The following CTNS variants were observed in gnomAD, a reference collection of about 807,000 sequenced individuals.
CTNS encodes the protein cystinosin, lysosomal cystine transporter.
CTNS carries 27 observed loss-of-function variants against 43.7 expected under a neutral mutation model. The ratio of observed to expected loss-of-function variants is 0.62; its 90% CI spans 0.46 to 0.85. The LOEUF is 0.85. CTNS is among the 40% of genes least tolerant of loss of function. CTNS has a pLI of 0.00. For missense variants in CTNS, 457 were observed against 475.4 expected (o/e 0.96, Z 0.36); for synonymous variants, 187 against 190.6 (o/e 0.98, Z 0.16).
Position 3,656,512 on chromosome 17 carries a change from G to C in CTNS, c.487G>C (p.Val163Leu), listed in dbSNP as rs200818208. ...KSVIGLSFDF[V>L]ALNLTGFVAY... is the part of the protein sequence containing the mutation. Reference sequence around the variant, plus strand: ...TGTCATTGGTCTGAGCTTCGACTTCGTGGCTCTGAACCTGACGGGCTTCGT... The same window carrying C: ...TGTCATTGGTCTGAGCTTCGACTTCCTGGCTCTGAACCTGACGGGCTTCGT... Residue 163 changes from valine to leucine, a missense_variant, in exon 8 of 12, where the codon GTG becomes CTG. Physicochemically the swap from Val to Leu is conservative, Grantham distance 32 (BLOSUM62 1). Coordinates refer to ENST00000046640, the MANE Select transcript of CTNS (RefSeq NM_004937.3). The C allele has an allele frequency of 6.2e-7, 1 of 1,600,414 alleles. No homozygotes were observed. The highest frequency in any genetic ancestry group is 1.7e-5 in the Admixed American group (1 of 57,802).
chr17:3,655,846 CT>C (rs1224141377), intron 7 of CTNS: 1 of 254,642 alleles, frequency 3.9e-6, no homozygotes, highest in Non-Finnish European at 7.7e-6. Flanking sequence ...CCTGACTCCC[CT>C]CTGGAGCCAG....
intron 9 of CTNS, 105 bp from the exon 10 acceptor site, chr17:3,657,900 A>G: frequency 7.5e-7 from 1 of 1,338,970 alleles, no homozygotes; most frequent in Non-Finnish European, 1.1e-6. Context: ...GCCAGGGTCC[A>G]GCCTCCGTGC....
chr17:3,638,347 C>G (rs1251713016), intron 2 of CTNS, among the ~76,000 whole-genome samples: 1 of 151,934 alleles, frequency 6.6e-6, no homozygotes, highest in Non-Finnish European at 1.5e-5. Flanking sequence ...AAGCGATTCT[C>G]CTGCCTCAGC....
chr17:3,645,533 G>A (rs553240927), intron 3 of CTNS, among the ~76,000 whole-genome samples: 3 of 152,058 alleles, frequency 2.0e-5, no homozygotes, highest in African/African-American at 7.2e-5. Context: ...GAGTATTGAG[G>A]CGGAGAATCA....
rs1358896020 is a variant in CTNS, at chr17:3,637,182, A to G, written c.-154A>G. The G allele has an allele frequency of 1.3e-5, 2 of 152,314 alleles. No individual in the cohort carries two copies. Among genetic ancestry groups the G allele is most frequent in the East Asian group, 3.9e-4 (2 of 5,182 alleles). 9.4% of individuals were successfully genotyped at this position (152,314 alleles called of 1,614,324 possible). ...CGGAGTGCGGGGCTCCGGGGGACTG[A>G]GCAGCACGAGACCCCATCCTCCCCT... On this transcript the variant is annotated 5_prime_UTR_variant, in exon 2 of 12. Transcript: ENST00000046640.
chr17:3,650,482 TA>T (rs1401841014), intron 5 of CTNS: 2 of 823,328 alleles, frequency 2.4e-6, no homozygotes, highest in Non-Finnish European at 3.6e-6. Flanking sequence ...ACTCTGTCTC[TA>T]AAAAATTAAA....
rs201670139 is a variant in CTNS, at chr17:3,655,173, T to C, written c.330-48T>C. On this transcript the variant is annotated intron_variant, in intron 6 of 11. Transcript: ENST00000046640. ...CCGTGCTGGGCACGTGGGAGTCTCC[T>C]TCAGAAGCCCAGCCTCAGCTCATCC... The C allele has an allele frequency of 2.6e-3, 4,254 of 1,614,038 alleles. 16 individuals carry two copies. Among genetic ancestry groups the C allele is most frequent in the Non-Finnish European group, 3.4e-3 (4,056 of 1,179,974 alleles).
Position 3,646,986 on chromosome 17 carries a change from G to GTC in CTNS, c.62-452_62-451dup, listed in dbSNP as rs1191192523. Among the ~76,000 whole-genome samples, 3 of 152,218 alleles carry GTC rather than the reference G, an allele frequency of 2.0e-5. No homozygotes were observed. The East Asian group carries it at 5.8e-4, about 29-fold the overall frequency. On this transcript the variant is annotated intron_variant, in intron 3 of 11. Transcript: ENST00000046640. ...AGAAACTCATTAGCTGGGCCCATGT[G>GTC]TCTCTCTGAGAGTGCAGGAAAGGGG...
chr17:3,637,225 G>A lies in CTNS; in HGVS notation c.-111G>A, dbSNP rs1271762343. 1 of 152,192 alleles carries A rather than the reference G, an allele frequency of 6.6e-6. No homozygotes were observed. The highest frequency in any genetic ancestry group is 2.4e-5 in the African/African-American group (1 of 41,452). The allele number at this position is 152,192 out of a possible 1,614,324, so 9.4% of individuals were successfully genotyped here. A position where few individuals can be genotyped will look rare whatever the true frequency, so the allele number is the denominator to read the frequency against. On this transcript the variant is annotated 5_prime_UTR_variant, in exon 2 of 12. Transcript: ENST00000046640. ...CCTCCCCTCCGGGTTTTCACACTGG[G>A]CGAAGGGAGGACTCCTGAGCTCTGC...
intron 5 of CTNS, chr17:3,650,228 C>T (rs2075948106): frequency 6.4e-7 from 1 of 1,550,550 alleles, no homozygotes; most frequent in African/African-American, 1.4e-5. Flanking sequence ...CCATGAGGCA[C>T]ATCAAGATGG....
chr17:3,650,137 T>C (rs1228948010), intron 5 of CTNS: 1 of 1,548,148 alleles, frequency 6.5e-7, no homozygotes, highest in Admixed American at 2.0e-5. Flanking sequence ...ACTGCAAATA[T>C]ATACACTTTT....
At chr17:3,650,101 G>A in intron 5 of CTNS, 1 of 1,515,036 alleles carries the variant, frequency 6.6e-7, no homozygotes, top group Non-Finnish European at 8.9e-7. Flanking sequence ...CACAATGTAT[G>A]CATACATCAA....
At chr17:3,646,846 CA>C in intron 3 of CTNS, among the ~76,000 whole-genome samples, 1 of 152,176 alleles carries the variant, frequency 6.6e-6, no homozygotes, top group East Asian at 1.9e-4. Context: ...GAAGAAATCT[CA>C]GAGTGAAACA....
In CTNS at chr17:3,649,870, C is replaced by T. The variant is rs567120910; in HGVS notation, c.225+939C>T. On this transcript the variant is annotated intron_variant, in intron 5 of 11. Transcript: ENST00000046640. ...CAAGATGAACGCAAGTCACTCAGGG[C>T]GCATAACTTCTGGAGAGCTATTGTA... 3.3e-5 allele frequency among the ~76,000 whole-genome samples: 5 copies of T among 152,226 alleles called. No individual in the cohort carries two copies. In the South Asian group the frequency reaches 8.3e-4, roughly 25 times the overall value.
intron 4 of CTNS, 92 bp from the exon 5 acceptor site, chr17:3,648,755 T>G: frequency 2.9e-5 from 31 of 1,083,744 alleles, no homozygotes; most frequent in Non-Finnish European, 4.0e-5. Flanking sequence ...CCTAACTGCT[T>G]GAGAGTTGAA....
intron 2 of CTNS, among the ~76,000 whole-genome samples, chr17:3,639,156 G>A (rs983434382): frequency 4.6e-5 from 7 of 152,102 alleles, no homozygotes; most frequent in African/African-American, 1.7e-4. Flanking sequence ...TCTGCAGGAG[G>A]CCCGTGAGAC....
intron 2 of CTNS, among the ~76,000 whole-genome samples, chr17:3,639,392 G>A (rs2075624519): frequency 1.3e-5 from 2 of 152,176 alleles, no homozygotes. Context: ...GTCTTGACAG[G>A]CGCGGTGGCT....
chr17:3,645,454 AGG>A (rs1213497949), intron 3 of CTNS, among the ~76,000 whole-genome samples: 1 of 152,164 alleles, frequency 6.6e-6, no homozygotes, highest in East Asian at 1.9e-4. Context: ...CTGGCCTGGC[AGG>A]GCAAGCTTCA....
chr17:3,659,591 C>T (rs1000067853), intron 10 of CTNS, among the ~76,000 whole-genome samples: 4 of 152,318 alleles, frequency 2.6e-5, no homozygotes, highest in East Asian at 1.9e-4. Context: ...AAGGCCGCAT[C>T]GGCCCCGCCT....
Sources: gnomAD v4.1 joint callset for allele counts (sites outside exome capture counted in the v4.1 genomes callset) on GRCh38, gnomAD v4.1.1 for gene constraint, MANE v1.5 for transcripts, NCBI Gene and HGNC (gene_info 2026-07-23, HGNC 2026-07-21) for gene names.